The following FANCB variants were observed in gnomAD, a reference collection of about 807,000 sequenced individuals.
FANCB encodes the protein Fanconi anemia group B protein.
A neutral mutation model predicts 38.9 loss-of-function variants in FANCB; 5 were observed. That is an observed-to-expected ratio of 0.13 (90% CI 0.07 to 0.27). The LOEUF (loss-of-function observed/expected upper bound fraction) is 0.27, where lower values mean the gene tolerates loss of function less well. FANCB is among the 10% of genes least tolerant of loss of function. The probability of loss-of-function intolerance (pLI) is 1.00; values close to 1 mark genes in which losing one functional copy is unlikely to be tolerated. For synonymous variants in FANCB, 236 were observed against 215.4 expected, an observed-to-expected ratio of 1.10 and a Z score of -0.84; for missense variants, 573 against 602.7, an observed-to-expected ratio of 0.95 and a Z score of 0.52.
chrX:14,832,888 C>A (rs891490228), downstream of FANCB, among the ~76,000 whole-genome samples: 2 of 111,934 alleles, frequency 1.8e-5, no homozygotes, highest in African/African-American at 3.3e-5. Flanking sequence ...TTACAACAAC[C>A]ATTATATGTC....
At chrX:14,691,723 T>C in the FANCB span, among the ~76,000 whole-genome samples, 5 of 112,054 alleles carry the variant, frequency 4.5e-5, no homozygotes, top group African/African-American at 6.5e-5. Flanking sequence ...TTCTGGTTTA[T>C]AACCCAATCT....
At chrX:14,803,030 T>C in the FANCB span, among the ~76,000 whole-genome samples, 1 of 112,407 alleles carries the variant, frequency 8.9e-6, no homozygotes, top group African/African-American at 3.2e-5. Flanking sequence ...TGAAATGAAT[T>C]TCAGACAGAG....
intron 3 of FANCB, 22 bp from the exon 4 acceptor site, chrX:14,859,356 A>G (rs1181336679): frequency 1.8e-6 from 2 of 1,126,873 alleles, no homozygotes; most frequent in Non-Finnish European, 2.4e-6. Context: ...GGAGCATTAT[A>G]GGAGGAGTAG....
chrX:14,761,702 C>T, the FANCB span, among the ~76,000 whole-genome samples: 1 of 111,229 alleles, frequency 9.0e-6, no homozygotes, highest in African/African-American at 3.3e-5. Flanking sequence ...AAAGGCTAAA[C>T]TTTTAGAACA....
chrX:14,845,581 AAAGT>A (rs2092373136), intron 7 of FANCB, among the ~76,000 whole-genome samples: 1 of 111,625 alleles, frequency 9.0e-6, no homozygotes, highest in Non-Finnish European at 1.9e-5. Context: ...AAGAGAAATT[AAAGT>A]AAGACAAAAA....
intron 7 of FANCB, among the ~76,000 whole-genome samples, chrX:14,849,765 A>G (rs1189612754): frequency 8.9e-6 from 1 of 111,874 alleles, no homozygotes; most frequent in Non-Finnish European, 1.9e-5. Flanking sequence ...CCGTGAGACT[A>G]TAGCATCTTA....
At chrX:14,841,167 C>T (rs1042976925), downstream of FANCB, among the ~76,000 whole-genome samples, 31 of 112,135 alleles carry the variant, frequency 2.8e-4, no homozygotes, top group African/African-American at 1.0e-3. Context: ...CATTGCACCA[C>T]ACTGTCTTTA....
the FANCB span, among the ~76,000 whole-genome samples, chrX:14,825,658 G>A: frequency 9.0e-6 from 1 of 111,433 alleles, no homozygotes; most frequent in Non-Finnish European, 1.9e-5. Context: ...TCATATCTGT[G>A]GATCTGCATT....
the FANCB span, among the ~76,000 whole-genome samples, chrX:14,826,853 A>C: frequency 8.1e-5 from 9 of 111,747 alleles, no homozygotes; most frequent in Admixed American, 1.9e-4. Context: ...CCCTACTCTA[A>C]GTTAGTAAGA....
chrX:14,709,430 C>CAAGT, the FANCB span, among the ~76,000 whole-genome samples: 239 of 112,128 alleles, frequency 2.1e-3, no homozygotes, highest in African/African-American at 7.4e-3. Context: ...GGCCTACAGA[C>CAAGT]AAGTTTTCTC....
the FANCB span, among the ~76,000 whole-genome samples, chrX:14,729,332 C>A: frequency 9.0e-6 from 1 of 111,287 alleles, no homozygotes; most frequent in Non-Finnish European, 1.9e-5. Context: ...TAAGTCATTT[C>A]AATCCCAGCT....
At chrX:14,830,801 C>T in the FANCB span, among the ~76,000 whole-genome samples, 1 of 111,964 alleles carries the variant, frequency 8.9e-6, no homozygotes, top group African/African-American at 3.2e-5. Context: ...GATGGATGCC[C>T]ATCCATACCT....
chrX:14,718,839 T>TAACA, the FANCB span, among the ~76,000 whole-genome samples: 2 of 111,666 alleles, frequency 1.8e-5, no homozygotes, highest in African/African-American at 6.5e-5. Context: ...TTTTATGAAC[T>TAACA]AACATTGGAA....
chrX:14,690,823 C>T, the FANCB span: 1 of 1,207,306 alleles, frequency 8.3e-7, no homozygotes, highest in Non-Finnish European at 1.1e-6. Flanking sequence ...ACAAGGAGTT[C>T]CTGCGCCTCC....
the FANCB span, among the ~76,000 whole-genome samples, chrX:14,708,219 G>A: frequency 9.0e-6 from 1 of 111,352 alleles, no homozygotes; most frequent in Non-Finnish European, 1.9e-5. Flanking sequence ...CTCTGCTTCT[G>A]TGAGTTTGAT....
chrX:14,734,142 G>C, the FANCB span, among the ~76,000 whole-genome samples: 2 of 112,126 alleles, frequency 1.8e-5, no homozygotes, highest in Non-Finnish European at 3.8e-5. Flanking sequence ...AGTAAATGGA[G>C]ACCAGGCCTG....
chrX:14,864,752 T>C lies in FANCB; in HGVS notation c.759A>G (p.Arg253=). The C allele has an allele frequency of 8.3e-7, 1 of 1,211,454 alleles. No individual in the cohort carries two copies. The highest frequency in any genetic ancestry group is 1.8e-5 in the South Asian group (1 of 57,018). The change falls in exon 3 of 10, where the codon AGA becomes AGG. Residue 253 remains arginine, a synonymous_variant. Coordinates refer to ENST00000650831, the MANE Select transcript of FANCB (RefSeq NM_001018113.3). ...CATEIIKNQL[R]ISLIALTRKN... Reference sequence around the variant, plus strand: ...TTCGAGTAAGGGCAATGAGAGATATTCTTAACTGGTTTTTGATGATCTCAG... The same window carrying C: ...TTCGAGTAAGGGCAATGAGAGATATCCTTAACTGGTTTTTGATGATCTCAG...
the FANCB span, among the ~76,000 whole-genome samples, chrX:14,819,903 C>T: frequency 9.0e-6 from 1 of 111,705 alleles, no homozygotes; most frequent in Non-Finnish European, 1.9e-5. Context: ...TCCACCCCAA[C>T]CCATTCTCCA....
At chrX:14,708,259 C>T in the FANCB span, among the ~76,000 whole-genome samples, 49,650 of 109,849 alleles carry the variant, frequency 0.45, 8,844 homozygotes, top group Non-Finnish European at 0.57. Flanking sequence ...AAGTGAGAAC[C>T]TGCAGTATTT....
Sources: allele counts gnomAD v4.1 joint callset (sites outside exome capture counted in the v4.1 genomes callset), GRCh38; gene constraint gnomAD v4.1.1; transcripts MANE v1.5; gene names NCBI Gene and HGNC (gene_info 2026-07-23, HGNC 2026-07-21).